ACSS3: variants seen among roughly 807,000 people sequenced by gnomAD.
ACSS3 encodes the protein acyl-CoA synthetase short-chain family member 3, mitochondrial.
Under a neutral mutation model 84.2 loss-of-function variants are expected in ACSS3, and 64 were observed. The observed-to-expected ratio is 0.76, with a 90% CI of 0.62 to 0.94. The LOEUF is 0.94. Among genes scored for constraint, ACSS3 ranks in the 40% least tolerant of loss-of-function variants. The pLI, the probability that ACSS3 is intolerant of heterozygous loss-of-function variation, is 0.00. For synonymous variants in ACSS3, 317 were observed against 310.1 expected, an observed-to-expected ratio of 1.02 and a Z score of -0.23; for missense variants, 815 against 867.6, an observed-to-expected ratio of 0.94 and a Z score of 0.76.
chr12:81,090,469 C>T (rs1470407258), intron 1 of ACSS3, among the ~76,000 whole-genome samples: 1 of 151,642 alleles, frequency 6.6e-6, no homozygotes, highest in African/African-American at 2.4e-5. Flanking sequence ...ACAAAGCCTT[C>T]TGTATATATC....
chr12:81,116,092 G>A (rs965963177), intron 2 of ACSS3, among the ~76,000 whole-genome samples: 2 of 151,860 alleles, frequency 1.3e-5, no homozygotes, highest in Non-Finnish European at 2.9e-5. Flanking sequence ...TGTATATATT[G>A]TATAATGCTT....
intron 13 of ACSS3, among the ~76,000 whole-genome samples, chr12:81,235,836 T>C (rs1451958976): frequency 6.6e-6 from 1 of 151,510 alleles, no homozygotes; most frequent in Admixed American, 6.6e-5. Context: ...TATGATCTTG[T>C]TTAACTTGCT....
chr12:81,127,969 AATG>A (rs1885220686), intron 2 of ACSS3, among the ~76,000 whole-genome samples: 1 of 152,144 alleles, frequency 6.6e-6, no homozygotes, highest in South Asian at 2.1e-4. Flanking sequence ...GATTTTCCAG[AATG>A]ATAACATAAA....
rs910379021 is a variant in ACSS3, at chr12:81,089,231, G to A, written c.311+10800G>A. On this transcript the variant is annotated intron_variant, in intron 1 of 15. Coordinates refer to ENST00000548058, the MANE Select transcript of ACSS3 (RefSeq NM_024560.4). ...ATAAAAAAATAGGATTTCTTTATAT[G>A]TTAAGTTGTTGGTTTTATTTACTTT... Among the ~76,000 whole-genome samples, 4 of 151,984 alleles carry A rather than the reference G, an allele frequency of 2.6e-5. No individual in the cohort carries two copies. In the South Asian group the frequency reaches 8.3e-4, roughly 31 times the overall value.
At chr12:81,164,222 A>C (rs970378404) in intron 7 of ACSS3, among the ~76,000 whole-genome samples, 3 of 150,492 alleles carry the variant, frequency 2.0e-5, no homozygotes, top group African/African-American at 7.5e-5. Context: ...GTCACTTACC[A>C]TTGTGATACA....
chr12:81,206,614 C>T (rs2032361549), intron 9 of ACSS3, among the ~76,000 whole-genome samples: 2 of 151,994 alleles, frequency 1.3e-5, no homozygotes, highest in South Asian at 4.1e-4. Context: ...GTGACAGCAT[C>T]CATCTGGTGA....
chr12:81,125,236 CA>C (rs1295799521), intron 2 of ACSS3, among the ~76,000 whole-genome samples: 1 of 151,748 alleles, frequency 6.6e-6, no homozygotes, highest in South Asian at 2.1e-4. Context: ...CAAAACAAAA[CA>C]AAAAAAATAC....
rs961182018 is a variant in ACSS3, at chr12:81,260,275, G to A, written c.*5353G>A. The A allele has an allele frequency of 6.6e-6, 1 of 152,132 alleles. No homozygotes were observed. The highest frequency in any genetic ancestry group is 1.5e-5 in the Non-Finnish European group (1 of 68,014). 9.4% of individuals were successfully genotyped at this position (152,132 alleles called of 1,614,324 possible). A position where few individuals can be genotyped will look rare whatever the true frequency, so the allele number is the denominator to read the frequency against. On this transcript the variant is annotated 3_prime_UTR_variant, in exon 16 of 16. Transcript: ENST00000548058. Reference sequence around the variant, plus strand: ...AATGGTTGTCCTAGATTGAATTATTGTAAATGAATACTGTTATCCCAATTA... The same window carrying A: ...AATGGTTGTCCTAGATTGAATTATTATAAATGAATACTGTTATCCCAATTA...
At chr12:81,153,288 A>T (rs1285238415) in intron 7 of ACSS3, among the ~76,000 whole-genome samples, 1 of 151,854 alleles carries the variant, frequency 6.6e-6, no homozygotes, top group Non-Finnish European at 1.5e-5. Flanking sequence ...CATGCCTGTA[A>T]TCCCAGCTAC....
At chr12:81,122,188 C>T (rs1487712273) in intron 2 of ACSS3, among the ~76,000 whole-genome samples, 2 of 151,974 alleles carry the variant, frequency 1.3e-5, no homozygotes, top group African/African-American at 2.4e-5. Flanking sequence ...TCCTTGGCCT[C>T]CCAAACTGCT....
intron 1 of ACSS3, among the ~76,000 whole-genome samples, chr12:81,103,680 A>G (rs1395331032): frequency 7.1e-6 from 1 of 140,616 alleles, no homozygotes; most frequent in African/African-American, 2.4e-5. Context: ...CTCCTCCAAA[A>G]GGTACTCTTG....
intron 2 of ACSS3, among the ~76,000 whole-genome samples, chr12:81,113,220 G>A (rs944621654): frequency 2.6e-5 from 4 of 152,132 alleles, no homozygotes; most frequent in Non-Finnish European, 5.9e-5. Flanking sequence ...AGGAACACAA[G>A]TGAAGGCAGC....
At chr12:81,130,776 C>T (rs1204736242) in intron 2 of ACSS3, among the ~76,000 whole-genome samples, 2 of 152,180 alleles carry the variant, frequency 1.3e-5, no homozygotes, top group African/African-American at 4.8e-5. Flanking sequence ...ACATTTAAGT[C>T]TTTAATCCAT....
chr12:81,248,844 C>G (rs2034065660), intron 13 of ACSS3, among the ~76,000 whole-genome samples: 2 of 151,544 alleles, frequency 1.3e-5, no homozygotes, highest in Non-Finnish European at 3.0e-5. Context: ...AATATTTGTA[C>G]CAATAAATTT....
intron 9 of ACSS3, among the ~76,000 whole-genome samples, chr12:81,205,239 G>C (rs1384250879): frequency 6.6e-6 from 1 of 151,932 alleles, no homozygotes; most frequent in Non-Finnish European, 1.5e-5. Flanking sequence ...TGATTCTAAG[G>C]GTACACATAC....
At chr12:81,136,074 A>G (rs1171754238) in intron 3 of ACSS3, among the ~76,000 whole-genome samples, 3 of 152,136 alleles carry the variant, frequency 2.0e-5, no homozygotes, top group Non-Finnish European at 4.4e-5. Flanking sequence ...GGGACATATA[A>G]CTAGTTTTAC....
At chr12:81,129,625 C>G (rs1416338229) in intron 2 of ACSS3, among the ~76,000 whole-genome samples, 2 of 152,018 alleles carry the variant, frequency 1.3e-5, no homozygotes, top group African/African-American at 4.8e-5. Context: ...CACACAAGGT[C>G]TTGAATTTTT....
At chr12:81,244,904 A>T (rs565547088) in intron 13 of ACSS3, among the ~76,000 whole-genome samples, 2 of 144,602 alleles carry the variant, frequency 1.4e-5, no homozygotes, top group Non-Finnish European at 3.0e-5. Flanking sequence ...GTCTATTCAA[A>T]CTGTGTGTGT....
intron 11 of ACSS3, among the ~76,000 whole-genome samples, chr12:81,222,939 T>C (rs2033157725): frequency 6.6e-6 from 1 of 152,020 alleles, no homozygotes; most frequent in African/African-American, 2.4e-5. Context: ...CTCCAGGCAG[T>C]TAATTTAGTA....
Sources: allele counts gnomAD v4.1 joint callset (sites outside exome capture counted in the v4.1 genomes callset), GRCh38; gene constraint gnomAD v4.1.1; transcripts MANE v1.5; gene names NCBI Gene and HGNC (gene_info 2026-07-23, HGNC 2026-07-21).